Variants in KDM3B observed in about 807,000 individuals in gnomAD.
The protein encoded by KDM3B is lysine demethylase 3B.
A neutral mutation model predicts 170.0 loss-of-function variants in KDM3B; 10 were observed. The ratio of observed to expected loss-of-function variants is 0.06; its 90% CI spans 0.04 to 0.10. KDM3B has a LOEUF of 0.10. Among genes scored for constraint, KDM3B ranks in the 10% least tolerant of loss-of-function variants. The pLI, the probability that KDM3B is intolerant of heterozygous loss-of-function variation, is 1.00. For synonymous variants in KDM3B, 831 were observed against 834.8 expected, an observed-to-expected ratio of 1.00 and a Z score of 0.08; for missense variants, 1,394 against 2,195.2, an observed-to-expected ratio of 0.64 and a Z score of 7.29.
intron 3 of KDM3B, among the ~76,000 whole-genome samples, chr5:138,375,776 A>G (rs1761983100): frequency 6.6e-6 from 1 of 151,734 alleles, no homozygotes; most frequent in Admixed American, 6.6e-5. Context: ...TCCTGGATTC[A>G]AGCAATTCTC....
chr5:138,375,188 T>G lies in KDM3B; in HGVS notation c.456T>G (p.Asn152Lys). 6.2e-7 allele frequency: 1 copy of G among 1,608,584 alleles called. No individual in the cohort carries two copies. The highest frequency in any genetic ancestry group is 8.5e-7 in the Non-Finnish European group (1 of 1,175,030). ...DRELRFLSDA[N>K]GLHLFQMGTD... ...AGCTTCGGTTCCTGTCAGATGCCAA[T>G]GGGTTGCATCTGTTTCAGGTATTTA... is the stretch of plus-strand genomic sequence containing the variant. Residue 152 changes from asparagine (N) to lysine (K), a missense_variant, in exon 3 of 24, where the codon AAT becomes AAG. Asn to Lys is a moderately conservative substitution (Grantham distance 94). Transcript: ENST00000314358.
chr5:138,418,950 T>C lies in KDM3B; in HGVS notation c.3436-3T>C. On this transcript the variant is annotated splice_polypyrimidine_tract_variant and splice_region_variant and intron_variant, in intron 13 of 23. Transcript: ENST00000314358. ...CTAATTATGTTGGCCTTCTGCATTT[T>C]AGCTTCCTAGCATAAACCCTAGTGC... 6.2e-7 allele frequency: 1 copy of C among 1,611,660 alleles called. No individual in the cohort carries two copies. Among genetic ancestry groups the C allele is most frequent in the Non-Finnish European group, 8.5e-7 (1 of 1,177,958 alleles).
chr5:138,409,033 A>G (rs888724764), intron 11 of KDM3B, among the ~76,000 whole-genome samples: 1 of 152,242 alleles, frequency 6.6e-6, no homozygotes, highest in Non-Finnish European at 1.5e-5. Context: ...TTGGAGAATG[A>G]TAATGAAATA....
At chr5:138,359,299 T>C (rs1761539386) in intron 1 of KDM3B, among the ~76,000 whole-genome samples, 1 of 151,894 alleles carries the variant, frequency 6.6e-6, no homozygotes, top group African/African-American at 2.4e-5. Context: ...GTAGTTGTGA[T>C]TACAGGCGTG....
chr5:138,392,372 T>G, intron 8 of KDM3B, 111 bp downstream of exon 8: 2 of 1,159,524 alleles, frequency 1.7e-6, no homozygotes, highest in Non-Finnish European at 2.3e-6. Flanking sequence ...TGTAATCTCA[T>G]AGAATTACAG....
Position 138,431,576 on chromosome 5 carries a change from T to A in KDM3B, c.5205+17T>A. 6.3e-7 allele frequency: 1 copy of A among 1,580,696 alleles called. No individual in the cohort carries two copies. Among genetic ancestry groups the A allele is most frequent in the South Asian group, 1.2e-5 (1 of 85,176 alleles). ...AAACTGCAGGTAAATAACTCCTCCC[T>A]CTACCCCACTCTGTCTTCTCATTGC... On this transcript the variant is annotated intron_variant, in intron 23 of 23. Coordinates refer to ENST00000314358, the MANE Select transcript of KDM3B (RefSeq NM_016604.4).
At chr5:138,357,476 G>A (rs1238238418) in intron 1 of KDM3B, among the ~76,000 whole-genome samples, 7 of 151,284 alleles carry the variant, frequency 4.6e-5, no homozygotes, top group East Asian at 3.9e-4. Flanking sequence ...TGATCCTTCC[G>A]CCTCAGCCTC....
intron 4 of KDM3B, among the ~76,000 whole-genome samples, chr5:138,378,178 G>C (rs1295580621): frequency 6.6e-6 from 1 of 151,946 alleles, no homozygotes; most frequent in Non-Finnish European, 1.5e-5. Flanking sequence ...CAATGTTTCT[G>C]GTTCATTCTG....
At chr5:138,415,325 A>G (rs901914231) in intron 12 of KDM3B, 86 bp downstream of exon 12, 1 of 716,720 alleles carries the variant, frequency 1.4e-6, no homozygotes, top group African/African-American at 1.8e-5. Flanking sequence ...GAAATGATTT[A>G]GCCTCATTTT....
Position 138,352,882 on chromosome 5 carries a change from CGCGGCGGCA to C in KDM3B, c.94_102del (p.Ala32_Ala34del), listed in dbSNP as rs915362956. On this transcript the variant is annotated inframe_deletion, in exon 1 of 24. Transcript: ENST00000314358. ...CGGCCTCAGCCTCGGCCTCGGCTCC[CGCGGCGGCA>C]GCGGCGAGCGGAGATCCGGGGCCTG... The C allele has an allele frequency of 2.9e-6, 4 of 1,377,098 alleles. No homozygotes were observed. In the African/African-American group the frequency reaches 6.1e-5, roughly 21 times the overall value. The allele number at this position is 1,377,098 out of a possible 1,614,324, so 85.3% of individuals were successfully genotyped here.
At chr5:138,416,435 T>G (rs1016515269) in intron 12 of KDM3B, among the ~76,000 whole-genome samples, 3 of 151,396 alleles carry the variant, frequency 2.0e-5, no homozygotes, top group African/African-American at 7.3e-5. Context: ...ACTAAAAATA[T>G]AAAGTTAGCC....
chr5:138,382,549 A>G lies in KDM3B; in HGVS notation c.780+959A>G, dbSNP rs562653822. Among the ~76,000 whole-genome samples the G allele has an allele frequency of 3.3e-5, 5 of 152,334 alleles. No individual in the cohort carries two copies. The South Asian group carries it at 1.0e-3, about 32-fold the overall frequency. Reference sequence around the variant, plus strand: ...GACCAGCTGTCCACATATTCCTCACAGTATCTTGGCACCTCTGTAATATTG... The same window carrying G: ...GACCAGCTGTCCACATATTCCTCACGGTATCTTGGCACCTCTGTAATATTG... On this transcript the variant is annotated intron_variant, in intron 6 of 23. Transcript: ENST00000314358.
intron 12 of KDM3B, among the ~76,000 whole-genome samples, chr5:138,416,582 C>G (rs535291335): frequency 1.3e-3 from 141 of 111,206 alleles, no homozygotes; most frequent in Non-Finnish European, 2.2e-3. Context: ...CGGTGAGACT[C>G]TGTCTCAAAA....
chr5:138,362,735 T>A (rs1761645542), intron 1 of KDM3B, among the ~76,000 whole-genome samples: 2 of 147,638 alleles, frequency 1.4e-5, no homozygotes, highest in South Asian at 4.2e-4. Context: ...AGTATAATTA[T>A]ATAATTATTT....
chr5:138,386,662 C>T, intron 7 of KDM3B, 41 bp downstream of exon 7: 2 of 1,576,334 alleles, frequency 1.3e-6, no homozygotes, highest in Non-Finnish European at 1.7e-6. Flanking sequence ...TTTGGGTTTA[C>T]TCTTTCGCCC....
chr5:138,387,590 G>A (rs1382905693), intron 7 of KDM3B, among the ~76,000 whole-genome samples: 1 of 152,126 alleles, frequency 6.6e-6, no homozygotes. Context: ...CCCAACAAGT[G>A]CAGATTGTTA....
At chr5:138,424,017 TGAATGCCG>T in intron 15 of KDM3B, 50 bp from the exon 16 acceptor site, 1 of 1,481,908 alleles carries the variant, frequency 6.7e-7, no homozygotes, top group Non-Finnish European at 9.0e-7. Context: ...GACAGTTTTT[TGAATGCCG>T]TTCTCATGGT....
chr5:138,410,685 T>C (rs1468005825), intron 11 of KDM3B, among the ~76,000 whole-genome samples: 1 of 152,158 alleles, frequency 6.6e-6, no homozygotes, highest in Non-Finnish European at 1.5e-5. Flanking sequence ...CTGTTATTTA[T>C]TGGATACAAA....
intron 1 of KDM3B, among the ~76,000 whole-genome samples, chr5:138,365,401 G>A (rs955774416): frequency 3.3e-5 from 5 of 152,036 alleles, no homozygotes; most frequent in Non-Finnish European, 5.9e-5. Flanking sequence ...GGGATTATGG[G>A]TGCCTGCCAC....
Sources: gnomAD v4.1 joint callset for allele counts (sites outside exome capture counted in the v4.1 genomes callset) on GRCh38, gnomAD v4.1.1 for gene constraint, MANE v1.5 for transcripts, NCBI Gene and HGNC (gene_info 2026-07-23, HGNC 2026-07-21) for gene names.